The following PRKG1 variants were observed in gnomAD, a reference collection of about 807,000 sequenced individuals.
The protein encoded by PRKG1 is protein kinase cGMP-dependent 1, also known as cGMP-dependent protein kinase 1.
In PRKG1, 35 loss-of-function variants were observed where a neutral mutation model predicts 88.1. The ratio of observed to expected loss-of-function variants is 0.40; its 90% CI spans 0.30 to 0.53. PRKG1 has a LOEUF of 0.53. Ranked by LOEUF, PRKG1 falls within the 20% of genes least tolerant of loss-of-function variation. PRKG1 has a pLI of 0.59. For synonymous variants in PRKG1, 303 were observed against 292.5 expected, an observed-to-expected ratio of 1.04 and a Z score of -0.37; for missense variants, 540 against 839.8, an observed-to-expected ratio of 0.64 and a Z score of 4.41.
At chr10:52,228,483 T>G (rs903301618) in intron 9 of PRKG1, among the ~76,000 whole-genome samples, 13 of 152,160 alleles carry the variant, frequency 8.5e-5, no homozygotes, top group Non-Finnish European at 1.8e-4. Context: ...GGTAAACTGA[T>G]GAAATTTAGC....
chr10:51,051,547 T>G (rs1452795925), intron 1 of PRKG1, among the ~76,000 whole-genome samples: 1 of 152,122 alleles, frequency 6.6e-6, no homozygotes, highest in African/African-American at 2.4e-5. Flanking sequence ...CAGAAATCTT[T>G]TTTCTCTGAC....
At chr10:51,787,782 T>G (rs11591405) in intron 3 of PRKG1, among the ~76,000 whole-genome samples, 55,429 of 152,024 alleles carry the variant, frequency 0.36, 11,295 homozygotes, top group Middle Eastern at 0.51. Flanking sequence ...TATTATCTTT[T>G]GCTCTTATTT....
At chr10:52,078,505 C>T (rs1846688549) in intron 7 of PRKG1, among the ~76,000 whole-genome samples, 2 of 152,100 alleles carry the variant, frequency 1.3e-5, no homozygotes, top group South Asian at 2.1e-4. Flanking sequence ...TACACTATTC[C>T]ATACACTACC....
intron 1 of PRKG1, among the ~76,000 whole-genome samples, chr10:51,043,388 T>C (rs1211721728): frequency 6.6e-6 from 1 of 152,200 alleles, no homozygotes. Flanking sequence ...TATACACATA[T>C]ATGCTTATTC....
At chr10:51,586,222 C>T (rs1405613727) in intron 3 of PRKG1, among the ~76,000 whole-genome samples, 1 of 152,066 alleles carries the variant, frequency 6.6e-6, no homozygotes, top group Middle Eastern at 3.2e-3. Context: ...AAACATTCAT[C>T]TTTAATTTGT....
At chr10:52,185,366 A>T (rs1839168284) in intron 9 of PRKG1, among the ~76,000 whole-genome samples, 2 of 152,180 alleles carry the variant, frequency 1.3e-5, no homozygotes, top group African/African-American at 4.8e-5. Context: ...TCCAGTGCAC[A>T]CTAGTGCAAG....
chr10:51,888,373 C>T (rs1841626633), intron 4 of PRKG1, among the ~76,000 whole-genome samples: 1 of 152,184 alleles, frequency 6.6e-6, no homozygotes, highest in Non-Finnish European at 1.5e-5. Flanking sequence ...ACAAATTCTA[C>T]TTTGAAAAAG....
intron 1 of PRKG1, among the ~76,000 whole-genome samples, chr10:51,026,274 G>T (rs73322628): frequency 6.6e-6 from 1 of 152,104 alleles, no homozygotes; most frequent in Non-Finnish European, 1.5e-5. Context: ...TGTTATAACA[G>T]CCCTAGGAAG....
intron 2 of PRKG1, among the ~76,000 whole-genome samples, chr10:51,260,572 GC>G (rs1472995278): frequency 2.0e-5 from 3 of 152,168 alleles, no homozygotes. Context: ...TTGAGAGCAT[GC>G]CCTGCAAAAA....
intron 2 of PRKG1, among the ~76,000 whole-genome samples, chr10:51,180,481 T>C (rs958724618): frequency 6.6e-6 from 1 of 152,196 alleles, no homozygotes; most frequent in African/African-American, 2.4e-5. Flanking sequence ...GTAGAAGATA[T>C]AAATCTTATT....
At chr10:51,670,525 A>T (rs1840531688) in intron 3 of PRKG1, among the ~76,000 whole-genome samples, 1 of 150,674 alleles carries the variant, frequency 6.6e-6, no homozygotes, top group Admixed American at 6.6e-5. Context: ...TCACGAGGTC[A>T]GGAGATCGAG....
intron 3 of PRKG1, among the ~76,000 whole-genome samples, chr10:51,496,714 A>T (rs796221111): frequency 2.0e-5 from 3 of 152,216 alleles, no homozygotes; most frequent in African/African-American, 7.2e-5. Context: ...TGTTTTCTGT[A>T]AGTGTCATAA....
chr10:51,121,661 G>A (rs1197941498), intron 1 of PRKG1, among the ~76,000 whole-genome samples: 1 of 152,006 alleles, frequency 6.6e-6, no homozygotes, highest in Non-Finnish European at 1.5e-5. Context: ...AGGCCACCCA[G>A]CTAGTAAGTG....
intron 2 of PRKG1, among the ~76,000 whole-genome samples, chr10:51,342,208 A>G (rs1195745252): frequency 6.6e-6 from 1 of 152,168 alleles, no homozygotes; most frequent in Non-Finnish European, 1.5e-5. Flanking sequence ...CCTAATGGTT[A>G]TTTGTAGGAT....
chr10:51,907,230 G>C (rs985977359), intron 4 of PRKG1, among the ~76,000 whole-genome samples: 1 of 152,096 alleles, frequency 6.6e-6, no homozygotes, highest in Non-Finnish European at 1.5e-5. Context: ...AAATGTAACA[G>C]TGATTTGGAC....
chr10:51,549,416 C>G (rs1034340496), intron 3 of PRKG1, among the ~76,000 whole-genome samples: 4 of 151,870 alleles, frequency 2.6e-5, no homozygotes, highest in African/African-American at 9.7e-5. Flanking sequence ...GACACCCTGC[C>G]TAAACTAATA....
At chr10:52,168,889 G>A (rs1838575127) in intron 9 of PRKG1, among the ~76,000 whole-genome samples, 1 of 152,148 alleles carries the variant, frequency 6.6e-6, no homozygotes, top group Non-Finnish European at 1.5e-5. Flanking sequence ...CAGGTTTGGA[G>A]AGTAGGGTGA....
At chr10:51,046,293 T>G (rs967532074) in intron 1 of PRKG1, among the ~76,000 whole-genome samples, 5 of 152,222 alleles carry the variant, frequency 3.3e-5, no homozygotes, top group African/African-American at 9.6e-5. Context: ...TATGTGGAAC[T>G]TGATGATGGA....
rs71459405 is a variant in PRKG1, at chr10:51,138,675, G to GTTTTT, written c.312-14467_312-14463dup. On this transcript the variant is annotated intron_variant, in intron 1 of 17. Coordinates refer to ENST00000373980, the MANE Select transcript of PRKG1 (RefSeq NM_006258.4). Reference sequence around the variant, plus strand: ...CCAGTCTTTTTGGACATTGAGTTTTGTTTTTTTTTTTTTTTTTTTTTTTTT... The same window carrying GTTTTT: ...CCAGTCTTTTTGGACATTGAGTTTTGTTTTTTTTTTTTTTTTTTTTTTTTTTTTTT... 6.1e-4 allele frequency among the ~76,000 whole-genome samples: 42 copies of GTTTTT among 68,530 alleles called. 6 individuals are homozygous for GTTTTT. Among genetic ancestry groups the GTTTTT allele is most frequent in the Non-Finnish European group, 9.1e-4 (32 of 35,290 alleles). The allele number at this position is 68,530 out of a possible 152,430, so 45.0% of individuals were successfully genotyped here.
Sources: gnomAD v4.1 joint callset for allele counts (sites outside exome capture counted in the v4.1 genomes callset) on GRCh38, gnomAD v4.1.1 for gene constraint, MANE v1.5 for transcripts, NCBI Gene and HGNC (gene_info 2026-07-23, HGNC 2026-07-21) for gene names.